SYCP2L: variants seen among roughly 807,000 people sequenced by gnomAD.
The protein encoded by SYCP2L is synaptonemal complex protein 2-like.
SYCP2L carries 98 observed loss-of-function variants against 125.8 expected under a neutral mutation model. The observed-to-expected ratio is 0.78, with a 90% confidence interval of 0.66 to 0.92. The LOEUF (loss-of-function observed/expected upper bound fraction) is 0.92. SYCP2L is among the 40% of genes least tolerant of loss of function. The pLI is 0.00. For missense variants in SYCP2L, 842 were observed against 936.4 expected (o/e 0.90, Z 1.32); for synonymous variants, 317 against 325.4 (o/e 0.97, Z 0.28).
intron 14 of SYCP2L, among the ~76,000 whole-genome samples, chr6:10,916,861 G>A (rs535354199): frequency 2.3e-4 from 35 of 152,262 alleles, no homozygotes; most frequent in Admixed American, 2.0e-3. Flanking sequence ...GCATGGTGGC[G>A]CATGCCTGTA....
intron 29 of SYCP2L, among the ~76,000 whole-genome samples, chr6:10,970,848 G>A (rs1345852103): frequency 6.6e-6 from 1 of 152,118 alleles, no homozygotes; most frequent in Non-Finnish European, 1.5e-5. Context: ...AGGAAGCCCA[G>A]GACAACATTC....
intron 19 of SYCP2L, among the ~76,000 whole-genome samples, 193 bp downstream of exon 19, chr6:10,930,707 C>G (rs561353866): frequency 6.6e-6 from 1 of 152,272 alleles, no homozygotes; most frequent in Non-Finnish European, 1.5e-5. Context: ...AATTAACCAA[C>G]AGTTGTTACA....
chr6:10,966,393 G>A (rs1454765226), intron 29 of SYCP2L, among the ~76,000 whole-genome samples: 1 of 152,134 alleles, frequency 6.6e-6, no homozygotes, highest in Non-Finnish European at 1.5e-5. Context: ...GTAGCGATTA[G>A]TTACTCTGTA....
rs540503588 is a variant in SYCP2L, at chr6:10,907,189, T to TA, written c.677-350dup. Among the ~76,000 whole-genome samples the TA allele has an allele frequency of 1.9e-4, 29 of 151,906 alleles. No homozygotes were observed. In the East Asian group the frequency reaches 5.3e-3, roughly 28 times the overall value. ...CAAAACCTTATCTCTACTAAAAACA[T>TA]AAAGATTAGGTAGGCATGATGACAC... On this transcript the variant is annotated intron_variant, in intron 9 of 29. Transcript: ENST00000283141.
chr6:10,945,028 T>A (rs912353509), intron 23 of SYCP2L, among the ~76,000 whole-genome samples: 1 of 152,216 alleles, frequency 6.6e-6, no homozygotes, highest in Non-Finnish European at 1.5e-5. Context: ...ATATTTTTTA[T>A]TTTGATTTCT....
Position 10,967,489 on chromosome 6 carries a change from G to A in SYCP2L, c.*37+3646G>A, listed in dbSNP as rs1382904144. Reference sequence around the variant, plus strand: ...TGTGTGTGTGTGTGTGTGTGTGTGTGTGTGTGTATTGAGGAGAAAAAAAGA... The same window carrying A: ...TGTGTGTGTGTGTGTGTGTGTGTGTATGTGTGTATTGAGGAGAAAAAAAGA... On this transcript the variant is annotated intron_variant, in intron 29 of 29. Transcript: ENST00000283141. Among the ~76,000 whole-genome samples the A allele has an allele frequency of 8.0e-5, 12 of 150,928 alleles. No homozygotes were observed. The East Asian group carries it at 2.3e-3, about 29-fold the overall frequency.
intron 23 of SYCP2L, among the ~76,000 whole-genome samples, chr6:10,946,184 C>T (rs1004044969): frequency 6.6e-6 from 1 of 152,068 alleles, no homozygotes; most frequent in Non-Finnish European, 1.5e-5. Flanking sequence ...TTCTCTCATT[C>T]TTTTCATTTT....
At chr6:10,942,819 T>G in intron 23 of SYCP2L, 73 bp downstream of exon 23, 2 of 1,365,464 alleles carry the variant, frequency 1.5e-6, no homozygotes, top group Non-Finnish European at 2.0e-6. Flanking sequence ...CAGACTGGGC[T>G]GTTACTCAGA....
At chr6:10,916,906 C>T (rs1050418840) in intron 14 of SYCP2L, among the ~76,000 whole-genome samples, 13 of 152,150 alleles carry the variant, frequency 8.5e-5, no homozygotes, top group African/African-American at 2.7e-4. Flanking sequence ...GCAGGAAAAT[C>T]GCTTGAACCT....
At chr6:10,928,567 T>A (rs985403856) in intron 18 of SYCP2L, 117 bp downstream of exon 18, 27 of 1,375,390 alleles carry the variant, frequency 2.0e-5, no homozygotes, top group Admixed American at 5.8e-5. Flanking sequence ...TCTGTCAATT[T>A]AAAAAAATTT....
At chr6:10,919,026 T>A (rs1465272193) in intron 14 of SYCP2L, among the ~76,000 whole-genome samples, 1 of 152,240 alleles carries the variant, frequency 6.6e-6, no homozygotes, top group Admixed American at 6.5e-5. Flanking sequence ...CTTTCTCTGG[T>A]GCCTCCCTGA....
intron 28 of SYCP2L, among the ~76,000 whole-genome samples, chr6:10,963,519 G>A (rs1561703104): frequency 1.3e-5 from 2 of 152,216 alleles, no homozygotes; most frequent in Non-Finnish European, 2.9e-5. Flanking sequence ...ACTACAAGGT[G>A]CTAGGGATTC....
At chr6:10,917,499 G>A (rs1348001992) in intron 14 of SYCP2L, among the ~76,000 whole-genome samples, 1 of 152,184 alleles carries the variant, frequency 6.6e-6, no homozygotes, top group Non-Finnish European at 1.5e-5. Context: ...TGCATGAAAT[G>A]TCTTTTTCCA....
Position 10,938,214 on chromosome 6 carries a change from G to A in SYCP2L, c.1813+3027G>A, listed in dbSNP as rs544002740. 8.5e-5 allele frequency among the ~76,000 whole-genome samples: 13 copies of A among 152,240 alleles called. No individual in the cohort carries two copies. The East Asian group carries it at 1.9e-3, about 23-fold the overall frequency. On this transcript the variant is annotated intron_variant, in intron 21 of 29. Transcript: ENST00000283141. ...GCACATTAAAAGGACTATACACCAT[G>A]TTAAAGTAGGATTTATCCCTGAGAT... is the stretch of plus-strand genomic sequence containing the variant.
At chr6:10,930,596 G>C in intron 19 of SYCP2L, 82 bp downstream of exon 19, 1 of 1,458,428 alleles carries the variant, frequency 6.9e-7, no homozygotes, top group Non-Finnish European at 9.2e-7. Context: ...TATATAATGG[G>C]AGTGGGTCCA....
At chr6:10,926,518 T>G in intron 16 of SYCP2L, 86 bp downstream of exon 16, 1 of 1,033,128 alleles carries the variant, frequency 9.7e-7, no homozygotes, top group Non-Finnish European at 1.5e-6. Context: ...TGGAAACCTG[T>G]GGTCATATGA....
chr6:10,931,566 A>G, intron 20 of SYCP2L, 77 bp downstream of exon 20: 1 of 1,381,774 alleles, frequency 7.2e-7, no homozygotes, highest in Non-Finnish European at 1.0e-6. Context: ...AACTTTCAGA[A>G]ATATAAAAAT....
chr6:10,903,286 C>T (rs759690181), intron 8 of SYCP2L, among the ~76,000 whole-genome samples: 24 of 152,178 alleles, frequency 1.6e-4, no homozygotes, highest in Admixed American at 4.6e-4. Context: ...TGGTGGCTCA[C>T]GCCTGTAATC....
chr6:10,928,301 C>G, intron 17 of SYCP2L, 102 bp from the exon 18 acceptor site: 2 of 551,150 alleles, frequency 3.6e-6, no homozygotes, highest in Non-Finnish European at 6.2e-6. Context: ...AATTTATGTT[C>G]AGAGATTGAG....
Sources: allele counts gnomAD v4.1 joint callset (sites outside exome capture counted in the v4.1 genomes callset), GRCh38; gene constraint gnomAD v4.1.1; transcripts MANE v1.5; gene names NCBI Gene and HGNC (gene_info 2026-07-23, HGNC 2026-07-21).